The following TSEN2 variants were observed in gnomAD, a reference collection of about 807,000 sequenced individuals.
TSEN2 encodes the protein tRNA splicing endonuclease subunit 2, also known as tRNA-splicing endonuclease subunit Sen2.
Under a neutral mutation model 59.2 loss-of-function variants are expected in TSEN2, and 54 were observed. That is an observed-to-expected ratio of 0.91 (90% CI 0.73 to 1.14). The LOEUF is 1.14. TSEN2 is among the 50% of genes most tolerant of loss of function. The probability of loss-of-function intolerance (pLI) is 0.00; values close to 1 mark genes in which losing one functional copy is unlikely to be tolerated. For synonymous variants in TSEN2, 195 were observed against 198.2 expected (o/e 0.98, Z 0.14); for missense variants, 636 against 576.2 (o/e 1.10, Z -1.06).
intron 7 of TSEN2, 68 bp from the exon 8 acceptor site, chr3:12,518,991 T>A: frequency 6.6e-7 from 1 of 1,517,176 alleles, no homozygotes. Flanking sequence ...TAGATGTTGG[T>A]GCCCTGGCTG....
intron 11 of TSEN2, among the ~76,000 whole-genome samples, chr3:12,532,130 C>T (rs188094954): frequency 4.5e-4 from 68 of 152,096 alleles, no homozygotes; most frequent in African/African-American, 1.3e-3. Flanking sequence ...AGAGCCTTAA[C>T]GTTGCCATTG....
At chr3:12,489,219 C>T (rs2052961960) in intron 1 of TSEN2, among the ~76,000 whole-genome samples, 3 of 152,164 alleles carry the variant, frequency 2.0e-5, no homozygotes, top group Admixed American at 2.0e-4. Context: ...ATAATCGACC[C>T]TTAAATAACT....
chr3:12,499,898 TAACCACTCTA>T (rs1377417039), intron 4 of TSEN2, among the ~76,000 whole-genome samples: 1 of 152,204 alleles, frequency 6.6e-6, no homozygotes, highest in Non-Finnish European at 1.5e-5. Flanking sequence ...CTATGTGCGC[TAACCACTCTA>T]AACCACTCTG....
Position 12,503,330 on chromosome 3 carries a change from G to C in TSEN2, c.377G>C (p.Arg126Pro). The C allele has an allele frequency of 6.2e-7, 1 of 1,614,132 alleles. No homozygotes were observed. Among genetic ancestry groups the C allele is most frequent in the African/African-American group, 1.3e-5 (1 of 75,008 alleles). The change falls in exon 5 of 12, where the codon CGC becomes CCC. Residue 126 changes from arginine (R) to proline (P), a missense_variant. By Grantham distance (103) the Arg-to-Pro change is moderately radical. Coordinates refer to ENST00000284995, the MANE Select transcript of TSEN2 (RefSeq NM_025265.4). ...RRQGQDESTVRRILKDYTKPL... is the reference protein window; with the variant it reads ...RRQGQDESTVPRILKDYTKPL... ...CAGGGGCAGGATGAGAGTACAGTGC[G>C]CAGAATCCTCAAGGATTACACGAAA...
intron 4 of TSEN2, 52 bp downstream of exon 4, chr3:12,496,606 G>A (rs757463308): frequency 1.1e-5 from 18 of 1,593,480 alleles, no homozygotes; most frequent in Non-Finnish European, 1.5e-5. Context: ...TAAGTCAGAT[G>A]TTTTTAGGTA....
At chr3:12,531,370 G>T in intron 10 of TSEN2, 200 bp from the exon 11 acceptor site, 1 of 585,354 alleles carries the variant, frequency 1.7e-6, no homozygotes, top group African/African-American at 1.9e-5. Flanking sequence ...GCCATGTTCA[G>T]TGATTACTAA....
downstream of TSEN2, among the ~76,000 whole-genome samples, chr3:12,538,474 C>G (rs1375349869): frequency 1.3e-5 from 2 of 151,824 alleles, no homozygotes; most frequent in African/African-American, 4.8e-5. Context: ...ATTGGCTGAT[C>G]TGAAGTTTCA....
At chr3:12,531,348 C>G (rs527613680) in intron 10 of TSEN2, 1 of 556,230 alleles carries the variant, frequency 1.8e-6, no homozygotes, top group African/African-American at 1.9e-5. Flanking sequence ...AATGTATCTG[C>G]TTATATCTGT....
intron 1 of TSEN2, among the ~76,000 whole-genome samples, chr3:12,485,548 C>T (rs549111493): frequency 6.6e-6 from 1 of 152,242 alleles, no homozygotes; most frequent in African/African-American, 2.4e-5. Flanking sequence ...TTGAATAGAC[C>T]TTGCTGTTAC....
chr3:12,530,517 G>A, intron 10 of TSEN2: 1 of 985,490 alleles, frequency 1.0e-6, no homozygotes, highest in South Asian at 4.7e-5. Context: ...AAAGAAAGCT[G>A]TGTGTGTTCT....
chr3:12,497,278 C>T (rs2125000774), intron 4 of TSEN2, among the ~76,000 whole-genome samples: 1 of 152,352 alleles, frequency 6.6e-6, no homozygotes, highest in African/African-American at 2.4e-5. Flanking sequence ...TCCCAGACCT[C>T]CTTGTCCCTG....
At position 12,490,126 on chromosome 3, in the gene TSEN2, T is replaced by C. The variant is rs1319497069; in HGVS notation, c.189+137T>C. ...CTTTCCTTGCGGTTTGGTCCAGTTG[T>C]AGGAAAAGTACAATTTGAATTAGTG... On this transcript the variant is annotated intron_variant, in intron 2 of 11. Coordinates refer to ENST00000284995, the MANE Select transcript of TSEN2 (RefSeq NM_025265.4). The C allele has an allele frequency of 3.4e-6, 3 of 892,494 alleles. No individual in the cohort carries two copies. In the Admixed American group the frequency reaches 5.5e-5, roughly 16 times the overall value. 55.3% of individuals were successfully genotyped at this position (892,494 alleles called of 1,614,324 possible).
chr3:12,534,094 C>CTTTT (rs376708598), downstream of TSEN2, among the ~76,000 whole-genome samples: 1 of 151,308 alleles, frequency 6.6e-6, no homozygotes, highest in African/African-American at 2.4e-5. Context: ...AAATTGCATG[C>CTTTT]AGTCAGAAAT....
chr3:12,496,704 T>C, intron 4 of TSEN2, 150 bp downstream of exon 4: 2 of 779,344 alleles, frequency 2.6e-6, no homozygotes, highest in South Asian at 3.1e-5. Flanking sequence ...TGTTGGAATT[T>C]AATGTGGATC....
intron 6 of TSEN2, among the ~76,000 whole-genome samples, chr3:12,511,754 A>G (rs1305156503): frequency 6.6e-6 from 1 of 152,024 alleles, no homozygotes; most frequent in Non-Finnish European, 1.5e-5. Context: ...TTTGGTAGAG[A>G]TGGGGTTTCT....
intron 3 of TSEN2, among the ~76,000 whole-genome samples, chr3:12,493,866 C>T (rs2053481678): frequency 6.6e-6 from 1 of 152,136 alleles, no homozygotes; most frequent in Non-Finnish European, 1.5e-5. Context: ...CTACTATTGC[C>T]TGTGCTTTTG....
chr3:12,498,551 G>C (rs1385511416), intron 4 of TSEN2, among the ~76,000 whole-genome samples: 1 of 151,736 alleles, frequency 6.6e-6, no homozygotes, highest in African/African-American at 2.4e-5. Context: ...CATCTTTTTT[G>C]CAAGATTTAA....
intron 11 of TSEN2, among the ~76,000 whole-genome samples, chr3:12,532,160 A>C (rs1439581742): frequency 1.3e-5 from 2 of 151,992 alleles, no homozygotes; most frequent in Non-Finnish European, 2.9e-5. Context: ...AACATCCAGT[A>C]TGTCTTTGTT....
Position 12,532,655 on chromosome 3 carries a change from G to A in TSEN2, c.1339-7G>A, listed in dbSNP as rs1228914587. The A allele has an allele frequency of 6.2e-7, 1 of 1,613,702 alleles. No individual in the cohort carries two copies. The highest frequency in any genetic ancestry group is 8.5e-7 in the Non-Finnish European group (1 of 1,179,816). On this transcript the variant is annotated splice_polypyrimidine_tract_variant and splice_region_variant and intron_variant, in intron 11 of 11. Transcript: ENST00000284995. ...TAAGAAATGGTCTTTTTTTTTATTG[G>A]TTGTAGGAGGTGATTCTGAGTCGAT...
Sources: gnomAD v4.1 joint callset for allele counts (sites outside exome capture counted in the v4.1 genomes callset) on GRCh38, gnomAD v4.1.1 for gene constraint, MANE v1.5 for transcripts, NCBI Gene and HGNC (gene_info 2026-07-23, HGNC 2026-07-21) for gene names.